The following TAB1 variants were observed in gnomAD, a reference collection of about 807,000 sequenced individuals.
TAB1 encodes TGF-beta-activated kinase 1 and MAP3K7-binding protein 1.
Under a neutral mutation model 54.5 loss-of-function variants are expected in TAB1, and 30 were observed. That is an observed-to-expected ratio of 0.55 (90% CI 0.41 to 0.75). The LOEUF (loss-of-function observed/expected upper bound fraction) is 0.75. Among genes scored for constraint, TAB1 ranks in the 30% least tolerant of loss-of-function variants. The probability of loss-of-function intolerance (pLI) is 0.00; values close to 1 mark genes in which losing one functional copy is unlikely to be tolerated. For synonymous variants in TAB1, 289 were observed against 286.9 expected (o/e 1.01, Z -0.07); for missense variants, 609 against 683.2 (o/e 0.89, Z 1.21).
At chr22:39,416,172 G>A (rs1926825598) in intron 3 of TAB1, among the ~76,000 whole-genome samples, 2 of 152,170 alleles carry the variant, frequency 1.3e-5, no homozygotes, top group South Asian at 4.1e-4. Flanking sequence ...GAGAAGATGG[G>A]CTTCTGTTCC....
At chr22:39,413,785 G>A (rs890366130) in intron 1 of TAB1, among the ~76,000 whole-genome samples, 1 of 152,192 alleles carries the variant, frequency 6.6e-6, no homozygotes, top group Non-Finnish European at 1.5e-5. Flanking sequence ...CCAGTTTGCT[G>A]TAGTTCTGCA....
chr22:39,429,910 G>A (rs1252839717), intron 10 of TAB1, 105 bp from the exon 11 acceptor site: 17 of 1,557,154 alleles, frequency 1.1e-5, no homozygotes, highest in Middle Eastern at 2.4e-4. Context: ...AGAAAGGCCT[G>A]TGGCCCAAGA....
In TAB1 at chr22:39,430,253, C is replaced by G; in HGVS notation, c.*31C>G. 6.2e-7 allele frequency: 1 copy of G among 1,606,990 alleles called. No homozygotes were observed. The highest frequency in any genetic ancestry group is 8.5e-7 in the Non-Finnish European group (1 of 1,179,802). On this transcript the variant is annotated 3_prime_UTR_variant, in exon 11 of 11. Coordinates refer to ENST00000216160, the MANE Select transcript of TAB1 (RefSeq NM_006116.3). ...CCGGAGAATGCAGCCCAAGCAGGGC[C>G]TGGCATGGGGCAGGACAGGGTCCAG...
At chr22:39,403,058 T>C (rs770207910) in intron 1 of TAB1, among the ~76,000 whole-genome samples, 2 of 152,258 alleles carry the variant, frequency 1.3e-5, no homozygotes, top group African/African-American at 2.4e-5. Context: ...GGTTGCCCGC[T>C]AACCAGAAAC....
intron 1 of TAB1, among the ~76,000 whole-genome samples, chr22:39,403,469 T>C (rs575566929): frequency 2.4e-4 from 36 of 152,040 alleles, no homozygotes; most frequent in Non-Finnish European, 4.9e-4. Flanking sequence ...GTGGAGTGCC[T>C]TGGGGGAGCT....
In TAB1 at chr22:39,428,060, C is replaced by T; in HGVS notation, c.1184C>T (p.Ser395Phe). Residue 395 changes from serine (S) to phenylalanine (F), a missense_variant, in exon 10 of 11, where the codon TCC becomes TTC. Transcript: ENST00000216160. ...GTGTACCCTGTGTCTGTGCCATACT[C>T]CAGCGCCCAGAGCACCAGCAAGACC... The part of the protein sequence containing the change: ...GRVYPVSVPY[S>F]SAQSTSKTSV... 6.2e-7 allele frequency: 1 copy of T among 1,613,356 alleles called. No individual in the cohort carries two copies. The highest frequency in any genetic ancestry group is 1.1e-5 in the South Asian group (1 of 91,040).
At position 39,415,039 on chromosome 22, in the gene TAB1, C is replaced by G. The variant is rs375248065; in HGVS notation, c.67C>G (p.Leu23Val). 7.4e-6 allele frequency: 12 copies of G among 1,614,012 alleles called. No homozygotes were observed. The highest frequency in any genetic ancestry group is 6.6e-5 in the South Asian group (6 of 91,090). The change falls in exon 2 of 11, where the codon CTC (leucine) becomes GTC (valine). Residue 23 changes from leucine (L) to valine (V), a missense_variant. Physicochemically the swap from Leu to Val is conservative, Grantham distance 32. Coordinates refer to ENST00000216160, the MANE Select transcript of TAB1 (RefSeq NM_006116.3). The surrounding 1 kb of genome is among the most constrained non-coding windows in gnomAD (Gnocchi z 4.9). ...QQPSWTDDLP[L>V]CHLSGVGSAS... ...GCCAAGCTGGACAGATGACCTGCCTCTCTGCCACCTCTCTGGGGTTGGCTC... is the reference window on the plus strand; with the variant it reads ...GCCAAGCTGGACAGATGACCTGCCTGTCTGCCACCTCTCTGGGGTTGGCTC...
In TAB1 at chr22:39,415,453, C is replaced by A; in HGVS notation, c.171-47C>A. 1 of 1,596,030 alleles carries A rather than the reference C, an allele frequency of 6.3e-7. No homozygotes were observed. The highest frequency in any genetic ancestry group is 8.6e-7 in the Non-Finnish European group (1 of 1,165,098). On this transcript the variant is annotated intron_variant, in intron 2 of 10. Coordinates refer to ENST00000216160, the MANE Select transcript of TAB1 (RefSeq NM_006116.3). This position sits in a 1 kb window ranked among gnomAD's most constrained non-coding sequence, Gnocchi z 4.9. ...TCCTTTCCCTTTCTCCCTCCACCTC[C>A]GTGAGACCCTGGTCTCAGGCCTCCC... is the stretch of plus-strand genomic sequence containing the variant.
intron 1 of TAB1, among the ~76,000 whole-genome samples, chr22:39,409,869 C>A (rs970568159): frequency 1.3e-5 from 2 of 152,128 alleles, no homozygotes; most frequent in Admixed American, 6.5e-5. Context: ...AAATAAGGAG[C>A]CTCTCTGTTT....
chr22:39,413,691 C>T (rs971105263), intron 1 of TAB1, among the ~76,000 whole-genome samples: 2 of 152,240 alleles, frequency 1.3e-5, no homozygotes, highest in African/African-American at 2.4e-5. Flanking sequence ...TCCCAAAGTG[C>T]TGGGATTACG....
chr22:39,436,722 T>G (rs935402354), downstream of TAB1: 3 of 627,186 alleles, frequency 4.8e-6, no homozygotes, highest in Admixed American at 8.4e-5. Context: ...CTCATGCATC[T>G]GTGTCCACTG....
intron 1 of TAB1, among the ~76,000 whole-genome samples, chr22:39,413,911 G>A (rs977240443): frequency 6.6e-6 from 1 of 152,182 alleles, no homozygotes; most frequent in African/African-American, 2.4e-5. Context: ...CATCAAAGTT[G>A]TTCCTGGGGC....
intron 1 of TAB1, among the ~76,000 whole-genome samples, chr22:39,407,489 G>T (rs1173337871): frequency 2.5e-4 from 35 of 141,824 alleles, no homozygotes; most frequent in Non-Finnish European, 3.3e-4. Context: ...TTGTTGTTTT[G>T]TTTTTTTTTT....
Position 39,431,484 on chromosome 22 carries a change from G to A in TAB1, c.*1262G>A. 1 of 985,696 alleles carries A rather than the reference G, an allele frequency of 1.0e-6. No individual in the cohort carries two copies. 61.1% of individuals were successfully genotyped at this position (985,696 alleles called of 1,614,324 possible). ...ATCTCCCAGTCTCCCTGCCCCCCATGCCCCAGACCGGCCCACCAGGGACTA... is the reference window on the plus strand; with the variant it reads ...ATCTCCCAGTCTCCCTGCCCCCCATACCCCAGACCGGCCCACCAGGGACTA... On this transcript the variant is annotated 3_prime_UTR_variant, in exon 11 of 11. Coordinates refer to ENST00000216160, the MANE Select transcript of TAB1 (RefSeq NM_006116.3).
rs373096705 is a variant in TAB1 at position 39,419,826 on chromosome 22, G to A, written c.776+196G>A. On this transcript the variant is annotated intron_variant, in intron 7 of 10. Coordinates refer to ENST00000216160, the MANE Select transcript of TAB1 (RefSeq NM_006116.3). ...GTCCAGAAGGCCTGGGGCAGACGCA[G>A]ACTGTAGGCCCCAGTGACACATGTG... Among the ~76,000 whole-genome samples, 36 of 151,926 alleles carry A rather than the reference G, an allele frequency of 2.4e-4. No individual in the cohort carries two copies. In the East Asian group the frequency reaches 5.4e-3, roughly 23 times the overall value.
downstream of TAB1, among the ~76,000 whole-genome samples, chr22:39,435,495 G>T (rs527810812): frequency 6.6e-6 from 1 of 152,192 alleles, no homozygotes; most frequent in Non-Finnish European, 1.5e-5. Flanking sequence ...CTGAAGGTTC[G>T]CTGGGTCCTA....
In TAB1 at chr22:39,418,751, A is replaced by T; in HGVS notation, c.570A>T (p.Leu190Phe). The T allele has an allele frequency of 6.2e-7, 1 of 1,613,906 alleles. No individual in the cohort carries two copies. Among genetic ancestry groups the T allele is most frequent in the South Asian group, 1.1e-5 (1 of 91,072 alleles). The change falls in exon 6 of 11, where the codon TTA becomes TTT. Residue 190 changes from leucine to phenylalanine, a missense_variant. Physicochemically the swap from Leu to Phe is conservative, Grantham distance 22. Coordinates refer to ENST00000216160, the MANE Select transcript of TAB1 (RefSeq NM_006116.3). The stretch of plus-strand genomic sequence containing the variant: ...CCACAGGTACAAACCGTGCACTTTT[A>T]TGCAAATCGACAGTGGATGGGTTGC... ...VANVGTNRALLCKSTVDGLQV... is the reference protein window; with the variant it reads ...VANVGTNRALFCKSTVDGLQV...
chr22:39,421,701 C>CT lies in TAB1; in HGVS notation c.777-122dup, dbSNP rs1927098008. The CT allele has an allele frequency of 3.9e-6, 4 of 1,028,052 alleles. No homozygotes were observed. In the East Asian group the frequency reaches 1.0e-4, roughly 27 times the overall value. 63.7% of individuals were successfully genotyped at this position (1,028,052 alleles called of 1,614,324 possible). On this transcript the variant is annotated intron_variant, in intron 7 of 10. Transcript: ENST00000216160. ...TTCTGACCTTCTCTTTCTCTCTTTTCTTTTCCTCTTGTCAGGTTGTGTGTT... is the reference window on the plus strand; with the variant it reads ...TTCTGACCTTCTCTTTCTCTCTTTTCTTTTTCCTCTTGTCAGGTTGTGTGTT...
At chr22:39,416,328 A>G (rs1926832594) in intron 3 of TAB1, among the ~76,000 whole-genome samples, 1 of 152,176 alleles carries the variant, frequency 6.6e-6, no homozygotes, top group Non-Finnish European at 1.5e-5. Flanking sequence ...AGCCTCCCAG[A>G]AAGAAGTTGT....
Sources: allele counts gnomAD v4.1 joint callset (sites outside exome capture counted in the v4.1 genomes callset), GRCh38; gene constraint gnomAD v4.1.1; non-coding constraint Gnocchi (gnomAD v3.1); transcripts MANE v1.5; gene names NCBI Gene and HGNC (gene_info 2026-07-23, HGNC 2026-07-21).